The following ASXL3 variants were observed in gnomAD, a reference collection of about 807,000 sequenced individuals.
The protein encoded by ASXL3 is putative Polycomb group protein ASXL3.
In ASXL3, 34 loss-of-function variants were observed where a neutral mutation model predicts 170.6. That is an observed-to-expected ratio of 0.20 (90% CI 0.15 to 0.27). ASXL3 has a LOEUF of 0.27. ASXL3 is among the 10% of genes least tolerant of loss of function. ASXL3 has a pLI of 1.00. For synonymous variants in ASXL3, 1,002 were observed against 989.1 expected (o/e 1.01, Z -0.24); for missense variants, 2,592 against 2,695.3 (o/e 0.96, Z 0.85).
Position 33,743,767 on chromosome 18 carries a change from G to C in ASXL3, c.3919G>C (p.Ala1307Pro). 6.2e-7 allele frequency: 1 copy of C among 1,613,908 alleles called. No homozygotes were observed. The highest frequency in any genetic ancestry group is 8.5e-7 in the Non-Finnish European group (1 of 1,179,896). ...PKCIESTPIS[A>P]TTEGSSISSS... The stretch of plus-strand genomic sequence containing the variant: ...ATGTATTGAAAGCACTCCCATTTCA[G>C]CCACTACAGAGGGCTCCAGCATATC... The change falls in exon 12 of 12, where the codon GCC (alanine) becomes CCC (proline). Residue 1307 changes from alanine (A) to proline (P), a missense_variant. Transcript: ENST00000269197.
intron 4 of ASXL3, among the ~76,000 whole-genome samples, chr18:33,658,430 C>T (rs1028076986): frequency 2.6e-5 from 4 of 151,918 alleles, no homozygotes; most frequent in East Asian, 1.9e-4. Flanking sequence ...TCACGTCATA[C>T]GCATGGAAAA....
In ASXL3 at chr18:33,598,695, G is replaced by C. The variant is rs1353339440; in HGVS notation, c.55-8899G>C. Among the ~76,000 whole-genome samples the C allele has an allele frequency of 4.6e-5, 7 of 152,292 alleles. No individual in the cohort carries two copies. In the East Asian group the frequency reaches 1.3e-3, roughly 29 times the overall value. On this transcript the variant is annotated intron_variant, in intron 1 of 11. Transcript: ENST00000269197. Reference sequence around the variant, plus strand: ...CTTTCAAGGAGATGTGATAAGAAAAGTTACATGAGATAAGTTATCTGGGAT... The same window carrying C: ...CTTTCAAGGAGATGTGATAAGAAAACTTACATGAGATAAGTTATCTGGGAT...
rs762872710 is a variant in ASXL3 at position 33,740,270 on chromosome 18, A to G, written c.2866A>G (p.Ser956Gly). Residue 956 changes from serine to glycine, a missense_variant, in exon 11 of 12, where the codon AGT becomes GGT. Physicochemically the swap from Ser to Gly is moderately conservative, Grantham distance 56. Around this residue, in one of 4 missense-constraint regions of ASXL3, gnomAD observed 2,246 missense variants for 2,219.6 expected, o/e 1.01. Coordinates refer to ENST00000269197, the MANE Select transcript of ASXL3 (RefSeq NM_030632.3). Reference protein sequence around the residue: ...SKSPDGIRNESRDSEISKRKT... With the variant: ...SKSPDGIRNEGRDSEISKRKT... ...GTCACCTGATGGGATAAGAAATGAAAGTAGAGATTCAGAGATATCAAAGAG... is the reference window on the plus strand; with the variant it reads ...GTCACCTGATGGGATAAGAAATGAAGGTAGAGATTCAGAGATATCAAAGAG... 1 of 1,613,174 alleles carries G rather than the reference A, an allele frequency of 6.2e-7. No homozygotes were observed. Among genetic ancestry groups the G allele is most frequent in the Non-Finnish European group, 8.5e-7 (1 of 1,179,482 alleles).
chr18:33,603,918 T>C (rs1191900441), intron 1 of ASXL3, among the ~76,000 whole-genome samples: 1 of 152,014 alleles, frequency 6.6e-6, no homozygotes, highest in Admixed American at 6.6e-5. Context: ...GAAGAGACAG[T>C]GATATGTGGC....
Position 33,745,535 on chromosome 18 carries a change from A to C in ASXL3, c.5687A>C (p.Gln1896Pro). 6.2e-7 allele frequency: 1 copy of C among 1,613,994 alleles called. No homozygotes were observed. The highest frequency in any genetic ancestry group is 8.5e-7 in the Non-Finnish European group (1 of 1,179,898). The change falls in exon 12 of 12, where the codon CAG (glutamine) becomes CCG (proline). Residue 1896 changes from glutamine (Q) to proline (P), a missense_variant. This residue lies in a region of ASXL3 where 2,246 missense variants were observed against 2,219.6 expected (regional missense o/e 1.01). Transcript: ENST00000269197. ...NRIVHSPEVK[Q>P]QKRLLPSCSF... ...ATTGTTCACAGCCCTGAGGTCAAAC[A>C]GCAAAAGCGGCTGCTCCCCTCGTGT... is the stretch of plus-strand genomic sequence containing the variant.
chr18:33,671,989 T>C, intron 7 of ASXL3, 123 bp downstream of exon 7: 1 of 1,059,256 alleles, frequency 9.4e-7, no homozygotes. Context: ...TTCCCTCCAT[T>C]TATCAAAACC....
At chr18:33,675,218 T>C (rs1297618477) in intron 7 of ASXL3, among the ~76,000 whole-genome samples, 1 of 152,164 alleles carries the variant, frequency 6.6e-6, no homozygotes, top group East Asian at 1.9e-4. Flanking sequence ...CCTCCTATCT[T>C]CTTGAATAAA....
chr18:33,735,705 G>A (rs900595195), intron 10 of ASXL3, among the ~76,000 whole-genome samples: 6 of 152,104 alleles, frequency 3.9e-5, no homozygotes, highest in African/African-American at 9.7e-5. Context: ...AAGAAAATGC[G>A]GGGAGCTCTC....
At chr18:33,656,748 C>T (rs899431539) in intron 4 of ASXL3, among the ~76,000 whole-genome samples, 22 of 152,038 alleles carry the variant, frequency 1.4e-4, no homozygotes, top group Non-Finnish European at 2.8e-4. Flanking sequence ...ATTTGGCTTT[C>T]ATATTATCCC....
intron 7 of ASXL3, among the ~76,000 whole-genome samples, chr18:33,682,373 TTCTG>T (rs1249210569): frequency 6.6e-6 from 1 of 152,218 alleles, no homozygotes; most frequent in African/African-American, 2.4e-5. Context: ...ATGGTAATTC[TTCTG>T]TCTGTGTTTG....
At chr18:33,622,776 A>G (rs191545489) in intron 2 of ASXL3, among the ~76,000 whole-genome samples, 2 of 152,148 alleles carry the variant, frequency 1.3e-5, no homozygotes, top group Admixed American at 1.3e-4. Context: ...AAACAGTTCT[A>G]CTCATGTCCC....
At chr18:33,710,527 T>C (rs562480163) in intron 8 of ASXL3, among the ~76,000 whole-genome samples, 87 of 152,352 alleles carry the variant, frequency 5.7e-4, no homozygotes, top group Non-Finnish European at 1.1e-3. Flanking sequence ...TTCTTCTGAA[T>C]GTGTGCTTCT....
chr18:33,680,576 A>T (rs2066499235), intron 7 of ASXL3, among the ~76,000 whole-genome samples: 1 of 152,062 alleles, frequency 6.6e-6, no homozygotes, highest in Non-Finnish European at 1.5e-5. Context: ...TGGTAACATT[A>T]TGTGATGTCA....
chr18:33,676,520 C>T (rs1231140217), intron 7 of ASXL3, among the ~76,000 whole-genome samples: 2 of 152,108 alleles, frequency 1.3e-5, no homozygotes, highest in Non-Finnish European at 2.9e-5. Context: ...CAAAACAAAA[C>T]TTTGGTGGTC....
Position 33,748,632 on chromosome 18 carries a change from T to G in ASXL3, c.*2037T>G, listed in dbSNP as rs2067835966. On this transcript the variant is annotated 3_prime_UTR_variant, in exon 12 of 12. Coordinates refer to ENST00000269197, the MANE Select transcript of ASXL3 (RefSeq NM_030632.3). ...GCCAGGTTGTGTTGGGGTGGCATCC[T>G]TATCAGTGGTGTCTTTGTCTGCCTG... 6.6e-6 allele frequency: 1 copy of G among 152,286 alleles called. No individual in the cohort carries two copies. Among genetic ancestry groups the G allele is most frequent in the South Asian group, 2.1e-4 (1 of 4,834 alleles). 9.4% of individuals were successfully genotyped at this position (152,286 alleles called of 1,614,324 possible). A position where few individuals can be genotyped will look rare whatever the true frequency, so the allele number is the denominator to read the frequency against.
At chr18:33,658,396 T>C (rs1445446318) in intron 4 of ASXL3, among the ~76,000 whole-genome samples, 10 of 152,200 alleles carry the variant, frequency 6.6e-5, no homozygotes, top group Non-Finnish European at 1.0e-4. Context: ...CTCAGTGAAT[T>C]AGTGTTTTTA....
chr18:33,606,737 T>C (rs1279703071), intron 1 of ASXL3, among the ~76,000 whole-genome samples: 1 of 151,968 alleles, frequency 6.6e-6, no homozygotes, highest in Admixed American at 6.6e-5. Context: ...ATTGTGGAGA[T>C]GTGTGTAACT....
intron 8 of ASXL3, among the ~76,000 whole-genome samples, chr18:33,700,090 G>C (rs1449108151): frequency 6.6e-6 from 1 of 152,060 alleles, no homozygotes; most frequent in African/African-American, 2.4e-5. Flanking sequence ...TGAAAGTGGA[G>C]CAGGCATAGG....
chr18:33,629,264 G>T (rs920911368), intron 2 of ASXL3, among the ~76,000 whole-genome samples: 1 of 152,062 alleles, frequency 6.6e-6, no homozygotes, highest in African/African-American at 2.4e-5. Context: ...AAATTAGGTG[G>T]CAGGTGTATC....
Sources: gnomAD v4.1 joint callset for allele counts (sites outside exome capture counted in the v4.1 genomes callset) on GRCh38, gnomAD v4.1.1 for gene constraint, gnomAD v4.1.1 regional missense constraint, MANE v1.5 for transcripts, NCBI Gene and HGNC (gene_info 2026-07-23, HGNC 2026-07-21) for gene names.